Variants in FBXL14 observed in about 807,000 individuals in gnomAD.
FBXL14 encodes F-box/LRR-repeat protein 14.
FBXL14 carries 11 observed loss-of-function variants against 24.5 expected under a neutral mutation model. The observed-to-expected ratio is 0.45, with a 90% CI of 0.28 to 0.74. The LOEUF (loss-of-function observed/expected upper bound fraction) is 0.74, where lower values mean the gene tolerates loss of function less well. Among genes scored for constraint, FBXL14 ranks in the 30% least tolerant of loss-of-function variants. The probability of loss-of-function intolerance (pLI) is 0.12; values close to 1 mark genes in which losing one functional copy is unlikely to be tolerated. For synonymous variants in FBXL14, 294 were observed against 240.4 expected, an observed-to-expected ratio of 1.22 and a Z score of -2.06; for missense variants, 384 against 545.6, an observed-to-expected ratio of 0.70 and a Z score of 2.95.
intron 1 of FBXL14, among the ~76,000 whole-genome samples, chr12:1,591,244 A>G (rs571599363): frequency 7.9e-5 from 12 of 151,460 alleles, no homozygotes; most frequent in African/African-American, 2.7e-4. Flanking sequence ...GATGCACCAA[A>G]CTCCACCTTG....
intron 1 of FBXL14, among the ~76,000 whole-genome samples, chr12:1,572,542 C>T (rs866277466): frequency 7.9e-5 from 12 of 152,168 alleles, no homozygotes; most frequent in Admixed American, 6.5e-5. Context: ...CCAGGGGGCC[C>T]GCCCCATTCC....
At chr12:1,575,410 C>T (rs2094453947) in intron 1 of FBXL14, among the ~76,000 whole-genome samples, 1 of 152,138 alleles carries the variant, frequency 6.6e-6, no homozygotes, top group African/African-American at 2.4e-5. Flanking sequence ...TTGAATATTC[C>T]GTATTCCAGC....
Position 1,567,353 on chromosome 12 carries a change from G to A in FBXL14, c.1195-543C>T, listed in dbSNP as rs542657546. Among the ~76,000 whole-genome samples, 22 of 152,068 alleles carry A rather than the reference G, an allele frequency of 1.4e-4. 1 individual carries two copies. The highest frequency in any genetic ancestry group is 4.1e-4 in the African/African-American group (17 of 41,482). ...GAAAGAAAAGAAAAATTAGCTGGGC[G>A]TGGTGGCAAGCACCTGTAATCCCAG... On this transcript the variant is annotated intron_variant, in intron 1 of 1. Coordinates refer to ENST00000339235, the MANE Select transcript of FBXL14 (RefSeq NM_152441.3). This position sits in a 1 kb window ranked among gnomAD's most constrained non-coding sequence, Gnocchi z 4.8.
At chr12:1,588,467 G>A (rs1478375329) in intron 1 of FBXL14, among the ~76,000 whole-genome samples, 1 of 152,104 alleles carries the variant, frequency 6.6e-6, no homozygotes, top group Non-Finnish European at 1.5e-5. Context: ...TGATCGGTTC[G>A]AGTTTATTTT....
chr12:1,573,818 A>C (rs1425426971), intron 1 of FBXL14, among the ~76,000 whole-genome samples: 1 of 152,230 alleles, frequency 6.6e-6, no homozygotes, highest in Non-Finnish European at 1.5e-5. Flanking sequence ...CAGCCTGACC[A>C]ACATGGAGAA....
At chr12:1,584,405 G>A (rs1466929757) in intron 1 of FBXL14, among the ~76,000 whole-genome samples, 11 of 152,152 alleles carry the variant, frequency 7.2e-5, no homozygotes, top group African/African-American at 9.7e-5. Context: ...TGTGTCCTAC[G>A]TTAATGAGTT....
chr12:1,572,684 G>A (rs984078863), intron 1 of FBXL14, among the ~76,000 whole-genome samples: 3 of 152,192 alleles, frequency 2.0e-5, no homozygotes, highest in African/African-American at 4.8e-5. Context: ...CCCGGACAGC[G>A]TGCAGCAGAA....
At chr12:1,586,048 C>G (rs2094475775) in intron 1 of FBXL14, among the ~76,000 whole-genome samples, 1 of 152,228 alleles carries the variant, frequency 6.6e-6, no homozygotes, top group African/African-American at 2.4e-5. Context: ...TTAGCTACTT[C>G]AGTACCTTAT....
Position 1,569,119 on chromosome 12 carries a change from C to T in FBXL14, c.1195-2309G>A, listed in dbSNP as rs540995001. Among the ~76,000 whole-genome samples the T allele has an allele frequency of 8.5e-4, 129 of 152,222 alleles. No individual in the cohort carries two copies. Among genetic ancestry groups the T allele is most frequent in the African/African-American group, 2.8e-3 (117 of 41,534 alleles). On this transcript the variant is annotated intron_variant, in intron 1 of 1. Coordinates refer to ENST00000339235, the MANE Select transcript of FBXL14 (RefSeq NM_152441.3). This position sits in a 1 kb window ranked among gnomAD's most constrained non-coding sequence, Gnocchi z 4.2. ...GCTTTTACAGAACAAAAAGGAAAAG[C>T]TGGTGCACCTTTATCTCTGTACATG... is the stretch of plus-strand genomic sequence containing the variant.
chr12:1,583,164 G>GT (rs1306612856), intron 1 of FBXL14, among the ~76,000 whole-genome samples: 2 of 151,700 alleles, frequency 1.3e-5, no homozygotes, highest in Non-Finnish European at 2.9e-5. Flanking sequence ...ATTTTAAAAT[G>GT]TTTTTTCCTG....
intron 1 of FBXL14, among the ~76,000 whole-genome samples, chr12:1,571,212 G>A (rs939640414): frequency 6.6e-6 from 1 of 151,334 alleles, no homozygotes; most frequent in African/African-American, 2.4e-5. Context: ...TTGTTTGTTT[G>A]TTTTGTTTTT....
chr12:1,581,261 A>G (rs1322934738), intron 1 of FBXL14, among the ~76,000 whole-genome samples: 1 of 152,126 alleles, frequency 6.6e-6, no homozygotes, highest in Non-Finnish European at 1.5e-5. Flanking sequence ...GAGGAAGGTT[A>G]GGAAAGCAGC....
In FBXL14 at chr12:1,593,708, C is replaced by A. The variant is rs1021829536; in HGVS notation, c.359G>T (p.Arg120Leu). Residue 120 changes from arginine (R) to leucine (L), a missense_variant, in exon 1 of 2, where the codon CGC becomes CTC. Arg to Leu is a moderately radical substitution (Grantham distance 102). Coordinates refer to ENST00000339235, the MANE Select transcript of FBXL14 (RefSeq NM_152441.3). This position sits in a 1 kb window ranked among gnomAD's most constrained non-coding sequence, Gnocchi z 7.4. The part of the protein sequence containing the change: ...HAFVQEIGSL[R>L]ALNLSLCKQI... ...CTTGCAGAGGCTCAGGTTGAGAGCG[C>A]GCAGGGAGCCGATCTCCTGCACAAA... 4 of 1,614,138 alleles carry A rather than the reference C, an allele frequency of 2.5e-6. No homozygotes were observed. Among genetic ancestry groups the A allele is most frequent in the Non-Finnish European group, 2.5e-6 (3 of 1,180,024 alleles).
intron 1 of FBXL14, among the ~76,000 whole-genome samples, chr12:1,570,027 G>T (rs974966212): frequency 6.6e-6 from 1 of 152,214 alleles, no homozygotes; most frequent in Non-Finnish European, 1.5e-5. Flanking sequence ...CTAAGAGAAC[G>T]TTTTGCTGTT....
intron 1 of FBXL14, among the ~76,000 whole-genome samples, chr12:1,591,436 G>A (rs1458976830): frequency 6.9e-6 from 1 of 145,648 alleles, no homozygotes; most frequent in South Asian, 2.2e-4. Flanking sequence ...GAATATAAAC[G>A]TTTTAAGAGG....
intron 1 of FBXL14, among the ~76,000 whole-genome samples, chr12:1,583,059 ACT>A (rs905435426): frequency 6.6e-5 from 10 of 151,676 alleles, no homozygotes; most frequent in African/African-American, 2.2e-4. Flanking sequence ...ATCTTCATAG[ACT>A]CTCTTATATT....
In FBXL14 at chr12:1,593,504, C is replaced by G. The variant is rs1230875203; in HGVS notation, c.563G>C (p.Gly188Ala). ...GCTGCGCGTCATGCCGGCCAGGTGC[C>G]CGATGCCCACATCCGAAAGGTGGCG... ...SCRHLSDVGI[G>A]HLAGMTRSAA... The change falls in exon 1 of 2, where the codon GGG (glycine) becomes GCG (alanine). Residue 188 changes from glycine (G) to alanine (A), a missense_variant. By Grantham distance (60) the Gly-to-Ala change is moderately conservative (BLOSUM62 0). Transcript: ENST00000339235. The surrounding 1 kb of genome is among the most constrained non-coding windows in gnomAD (Gnocchi z 7.4). The G allele has an allele frequency of 6.2e-7, 1 of 1,613,602 alleles. No homozygotes were observed. The highest frequency in any genetic ancestry group is 8.5e-7 in the Non-Finnish European group (1 of 1,179,936).
rs2094493922 is a variant in FBXL14, at chr12:1,592,949, C to T, written c.1118G>A (p.Gly373Asp). Residue 373 changes from glycine to aspartate, a missense_variant, in exon 1 of 2, where the codon GGC (glycine) becomes GAC (aspartate). Physicochemically the swap from Gly to Asp is moderately conservative, Grantham distance 94 (BLOSUM62 -1). Transcript: ENST00000339235. The stretch of plus-strand genomic sequence containing the variant: ...CGGCAGCTGCGTGATGCGCTCCAGG[C>T]CGCGCTTGGTGATTCGGGTGCAGCC... ...LYGCTRITKR[G>D]LERITQLPCL... is the part of the protein sequence containing the mutation. 6.2e-7 allele frequency: 1 copy of T among 1,612,798 alleles called. No homozygotes were observed. The highest frequency in any genetic ancestry group is 1.3e-5 in the African/African-American group (1 of 74,920).
intron 1 of FBXL14, among the ~76,000 whole-genome samples, chr12:1,585,058 G>C (rs1434373412): frequency 6.6e-6 from 1 of 152,206 alleles, no homozygotes; most frequent in Non-Finnish European, 1.5e-5. Context: ...GCTCCTCCCT[G>C]TTTAGTGACT....
Sources: allele counts gnomAD v4.1 joint callset (sites outside exome capture counted in the v4.1 genomes callset), GRCh38; gene constraint gnomAD v4.1.1; non-coding constraint Gnocchi (gnomAD v3.1); transcripts MANE v1.5; gene names NCBI Gene and HGNC (gene_info 2026-07-23, HGNC 2026-07-21).